Variants in SLC18A1 observed in about 807,000 individuals in gnomAD.
SLC18A1 encodes the protein chromaffin granule amine transporter.
A neutral mutation model predicts 53.7 loss-of-function variants in SLC18A1; 69 were observed. The observed-to-expected ratio is 1.28, with a 90% CI of 1.06 to 1.57. The LOEUF (loss-of-function observed/expected upper bound fraction) is 1.57, where lower values mean the gene tolerates loss of function less well. Ranked by LOEUF, SLC18A1 falls within the 40% of genes most tolerant of loss-of-function variation. The pLI, the probability that SLC18A1 is intolerant of heterozygous loss-of-function variation, is 0.00. For missense variants in SLC18A1, 932 were observed against 668.1 expected (o/e 1.40, Z -4.35); for synonymous variants, 320 against 248.1 (o/e 1.29, Z -2.72).
intron 12 of SLC18A1, 105 bp from the exon 13 acceptor site, chr8:20,148,175 G>T (rs915486137): frequency 1.1e-6 from 1 of 943,438 alleles, no homozygotes; most frequent in Non-Finnish European, 1.7e-6. Flanking sequence ...GTGCACTATT[G>T]GCCACATACA....
Position 20,173,585 on chromosome 8 carries a change from C to G in SLC18A1, c.632-457G>C, listed in dbSNP as rs115534349. Among the ~76,000 whole-genome samples the G allele has an allele frequency of 3.8e-3, 581 of 152,326 alleles. 4 individuals carry two copies. The highest frequency in any genetic ancestry group is 0.013 in the African/African-American group (558 of 41,562). ...TAGTGCTGTACGGCAGCTGGACCCTCTGGCCTTCATAGCTATGGGTAAAAT... is the reference window on the plus strand; with the variant it reads ...TAGTGCTGTACGGCAGCTGGACCCTGTGGCCTTCATAGCTATGGGTAAAAT... On this transcript the variant is annotated intron_variant, in intron 5 of 15. Coordinates refer to ENST00000276373, the MANE Select transcript of SLC18A1 (RefSeq NM_003053.4).
intron 11 of SLC18A1, among the ~76,000 whole-genome samples, chr8:20,149,935 A>G (rs1226437051): frequency 1.3e-5 from 2 of 152,002 alleles, no homozygotes; most frequent in African/African-American, 2.4e-5. Flanking sequence ...CCCTTTTTCT[A>G]TAGAAAGGCA....
At chr8:20,166,359 A>G (rs1563751083) in intron 8 of SLC18A1, among the ~76,000 whole-genome samples, 1 of 144,844 alleles carries the variant, frequency 6.9e-6, no homozygotes, top group South Asian at 2.2e-4. Flanking sequence ...TAATAAGGAA[A>G]GATTCTGTGA....
At chr8:20,181,206 T>C (rs1002813107) in intron 1 of SLC18A1, 119 bp from the exon 2 acceptor site, 13 of 352,440 alleles carry the variant, frequency 3.7e-5, no homozygotes, top group African/African-American at 1.3e-4. Context: ...GTTCCCAGAA[T>C]GCCTTCCTGG....
In SLC18A1 at chr8:20,147,670, G is replaced by C; in HGVS notation, c.1263C>G (p.Arg421=). The change falls in exon 14 of 16, where the codon CGC becomes CGG. Residue 421 remains arginine (R), a synonymous_variant. Transcript: ENST00000276373. The part of the protein sequence containing the change: ...MPIMGHLVDL[R]HTSVYGSVYA... ...AGACACTCCCATACACCGAGGTGTG[G>C]CGTAGATCCACCAGGTGCCCCATGA... 1 of 1,613,990 alleles carries C rather than the reference G, an allele frequency of 6.2e-7. No individual in the cohort carries two copies. The highest frequency in any genetic ancestry group is 1.1e-5 in the South Asian group (1 of 91,040).
At chr8:20,162,382 G>T (rs1342323414) in intron 10 of SLC18A1, among the ~76,000 whole-genome samples, 1 of 152,156 alleles carries the variant, frequency 6.6e-6, no homozygotes, top group Non-Finnish European at 1.5e-5. Context: ...CTCTCCTAAA[G>T]ATGCCTTTTC....
At chr8:20,162,310 G>A (rs1328807841) in intron 10 of SLC18A1, among the ~76,000 whole-genome samples, 1 of 152,178 alleles carries the variant, frequency 6.6e-6, no homozygotes, top group Non-Finnish European at 1.5e-5. Flanking sequence ...TTAATAAGTG[G>A]TGCCTGGCTC....
chr8:20,148,046 C>A lies in SLC18A1; in HGVS notation c.1171G>T (p.Gly391Cys). Residue 391 changes from glycine to cysteine, a missense_variant, in exon 13 of 16, where the codon GGT becomes TGT. Gly to Cys is a radical substitution (Grantham distance 159). Transcript: ENST00000276373. ...LCVPLAHNIFGLIGPNAGLGL... is the reference protein window; with the variant it reads ...LCVPLAHNIFCLIGPNAGLGL... ...AGCCCTGCATTGGGGCCAATGAGAC[C>A]AAAAATATTGTGAGCCAGAGGAACC... 1 of 1,614,022 alleles carries A rather than the reference C, an allele frequency of 6.2e-7. No homozygotes were observed. Among genetic ancestry groups the A allele is most frequent in the Non-Finnish European group, 8.5e-7 (1 of 1,179,950 alleles).
At chr8:20,154,561 C>A (rs1488022895) in intron 10 of SLC18A1, among the ~76,000 whole-genome samples, 6 of 152,136 alleles carry the variant, frequency 3.9e-5, no homozygotes, top group Admixed American at 3.3e-4. Flanking sequence ...ACATGAACTT[C>A]CATCTAGATG....
chr8:20,147,613 G>A lies in SLC18A1; in HGVS notation c.1320C>T (p.Gly440=), dbSNP rs368795521. Residue 440 remains glycine (G), a synonymous_variant, in exon 14 of 16, where the codon GGC becomes GGT. Coordinates refer to ENST00000276373, the MANE Select transcript of SLC18A1 (RefSeq NM_003053.4). ...GTCCTGCCAACATACCTATAGCAAA[G>A]CCCATGCAAAAAGCCACATCAGCGA... ...YAIADVAFCM[G]FAIGPSTGGA... 8.1e-5 allele frequency: 130 copies of A among 1,614,110 alleles called. 1 individual carries two copies. In the South Asian group the frequency reaches 1.2e-3, roughly 15 times the overall value.
rs1235212014 is a variant in SLC18A1, at chr8:20,166,287, G to GTGTGTATATATATATATA, written c.859-1181_859-1180insTATATATATATATACACA. On this transcript the variant is annotated intron_variant, in intron 8 of 15. Coordinates refer to ENST00000276373, the MANE Select transcript of SLC18A1 (RefSeq NM_003053.4). ...CAAAATTGTGTGTGGGTGTGTGTGT[G>GTGTGTATATATATATATA]TCTATATATATATATATATATATAT... Among the ~76,000 whole-genome samples, 15 of 78,996 alleles carry GTGTGTATATATATATATA rather than the reference G, an allele frequency of 1.9e-4. 5 individuals are homozygous for GTGTGTATATATATATATA. The highest frequency in any genetic ancestry group is 4.7e-4 in the South Asian group (1 of 2,142). 51.8% of individuals were successfully genotyped at this position (78,996 alleles called of 152,430 possible).
At chr8:20,163,339 T>A (rs1347826442) in intron 10 of SLC18A1, among the ~76,000 whole-genome samples, 1 of 152,098 alleles carries the variant, frequency 6.6e-6, no homozygotes, top group African/African-American at 2.4e-5. Flanking sequence ...GGGATTCAAT[T>A]TGCAACATAT....
In SLC18A1 at chr8:20,150,676, T is replaced by C. The variant is rs2071529400; in HGVS notation, c.1084A>G (p.Lys362Glu). The change falls in exon 11 of 16, where the codon AAG becomes GAG. Residue 362 changes from lysine to glutamate, a missense_variant. Coordinates refer to ENST00000276373, the MANE Select transcript of SLC18A1 (RefSeq NM_003053.4). ...GTNLFGVLAN[K>E]MGRWLCSLIG... ...CCCGAGGCTACATACCGACCCATCT[T>C]GTTGGCCAACACACCAAAGAGGTTG... 4.3e-6 allele frequency: 7 copies of C among 1,614,018 alleles called. No homozygotes were observed. In the East Asian group the frequency reaches 8.9e-5, roughly 21 times the overall value.
intron 8 of SLC18A1, among the ~76,000 whole-genome samples, chr8:20,165,358 C>T (rs1000283638): frequency 2.0e-5 from 3 of 152,052 alleles, no homozygotes; most frequent in African/African-American, 4.8e-5. Flanking sequence ...CAACATATTC[C>T]AGCCATGGTT....
chr8:20,146,021 T>G, intron 15 of SLC18A1, 145 bp from the exon 16 acceptor site: 1 of 443,736 alleles, frequency 2.3e-6, no homozygotes, highest in Admixed American at 4.1e-5. Context: ...GTTCATGCCG[T>G]TCTCCTGCCT....
chr8:20,180,403 C>A (rs150442056), intron 2 of SLC18A1, among the ~76,000 whole-genome samples: 121 of 152,212 alleles, frequency 7.9e-4, no homozygotes, highest in South Asian at 5.0e-3. Context: ...GGGAAAGAAC[C>A]ACAAGGAAGG....
chr8:20,150,041 C>T (rs568140407), intron 11 of SLC18A1, among the ~76,000 whole-genome samples: 1 of 152,202 alleles, frequency 6.6e-6, no homozygotes. Flanking sequence ...TCAAACTTAA[C>T]TCATGCTGTT....
At chr8:20,179,839 C>T (rs962564939) in intron 2 of SLC18A1, among the ~76,000 whole-genome samples, 120 of 152,126 alleles carry the variant, frequency 7.9e-4, no homozygotes, top group African/African-American at 2.8e-3. Context: ...GACATGTAAC[C>T]CCCCAAACCA....
chr8:20,147,373 G>A lies in SLC18A1; in HGVS notation c.1349C>T (p.Ala450Val), dbSNP rs149742774. The A allele has an allele frequency of 1.2e-4, 187 of 1,610,862 alleles. No individual in the cohort carries two copies. In the African/African-American group the frequency reaches 2.3e-3, roughly 20 times the overall value. The change falls in exon 15 of 16, where the codon GCC (alanine) becomes GTC (valine). Residue 450 changes from alanine (A) to valine (V), a missense_variant. By Grantham distance (64) the Ala-to-Val change is moderately conservative. Coordinates refer to ENST00000276373, the MANE Select transcript of SLC18A1 (RefSeq NM_003053.4). Reference sequence around the variant, plus strand: ...GGGAAAACCGATGGCCTTTACAATGGCACCACCGGTGGATGGACCTGGGAG... The same window carrying A: ...GGGAAAACCGATGGCCTTTACAATGACACCACCGGTGGATGGACCTGGGAG... Reference protein sequence around the residue: ...GFAIGPSTGGAIVKAIGFPWL... With the variant: ...GFAIGPSTGGVIVKAIGFPWL...
Sources: allele counts gnomAD v4.1 joint callset (sites outside exome capture counted in the v4.1 genomes callset), GRCh38; gene constraint gnomAD v4.1.1; transcripts MANE v1.5; gene names NCBI Gene and HGNC (gene_info 2026-07-23, HGNC 2026-07-21).